Variants in BLNK observed in about 807,000 individuals in gnomAD.
BLNK encodes the protein B cell linker.
A neutral mutation model predicts 73.5 loss-of-function variants in BLNK; 29 were observed. That is an observed-to-expected ratio of 0.39 (90% CI 0.29 to 0.54). The LOEUF (loss-of-function observed/expected upper bound fraction) is 0.54, where lower values mean the gene tolerates loss of function less well. Ranked by LOEUF, BLNK falls within the 20% of genes least tolerant of loss-of-function variation. The pLI, the probability that BLNK is intolerant of heterozygous loss-of-function variation, is 0.61. For synonymous variants in BLNK, 176 were observed against 200.8 expected, an observed-to-expected ratio of 0.88 and a Z score of 1.04; for missense variants, 460 against 562.8, an observed-to-expected ratio of 0.82 and a Z score of 1.85.
At chr10:96,203,226 C>G (rs1187465698) in intron 13 of BLNK, among the ~76,000 whole-genome samples, 2 of 151,982 alleles carry the variant, frequency 1.3e-5, no homozygotes, top group Non-Finnish European at 1.5e-5. Context: ...GTATAATAAA[C>G]CTTTTTAAAT....
intron 3 of BLNK, among the ~76,000 whole-genome samples, chr10:96,238,583 G>A (rs1554905534): frequency 6.6e-6 from 1 of 152,184 alleles, no homozygotes; most frequent in Non-Finnish European, 1.5e-5. Context: ...TGAGGCCCTG[G>A]ACGTGCAGCT....
At chr10:96,217,406 G>C (rs1266551179) in intron 6 of BLNK, among the ~76,000 whole-genome samples, 1 of 152,188 alleles carries the variant, frequency 6.6e-6, no homozygotes, top group African/African-American at 2.4e-5. Flanking sequence ...CAAAGAGGCT[G>C]CACCATTTTT....
At chr10:96,246,241 C>T (rs541235194) in intron 2 of BLNK, among the ~76,000 whole-genome samples, 4 of 151,992 alleles carry the variant, frequency 2.6e-5, no homozygotes, top group South Asian at 2.1e-4. Context: ...GGTAATAATT[C>T]GAAAAGCAGA....
chr10:96,263,741 C>G (rs1843865560), intron 1 of BLNK, among the ~76,000 whole-genome samples: 1 of 152,160 alleles, frequency 6.6e-6, no homozygotes, highest in Non-Finnish European at 1.5e-5. Flanking sequence ...GTCAGACTTT[C>G]TTGCTCATTG....
intron 1 of BLNK, among the ~76,000 whole-genome samples, chr10:96,259,910 C>G (rs1554912298): frequency 6.6e-6 from 1 of 151,956 alleles, no homozygotes; most frequent in African/African-American, 2.4e-5. Flanking sequence ...CACCCTGAGA[C>G]TGATGAGATG....
chr10:96,268,361 A>C (rs1844110384), intron 1 of BLNK, among the ~76,000 whole-genome samples: 1 of 152,238 alleles, frequency 6.6e-6, no homozygotes, highest in African/African-American at 2.4e-5. Context: ...TTACTGTGGA[A>C]CGATTGAAAC....
chr10:96,194,768 A>ATTTTTTTTTT lies in BLNK; in HGVS notation c.1251+2130_1251+2139dup, dbSNP rs71034364. On this transcript the variant is annotated intron_variant, in intron 16 of 16. Transcript: ENST00000224337. ...ATCACTAATCATCAGAGAAATGCAAATTTTTTTTTTTTTTTTTTTTGAGAC... is the reference window on the plus strand; with the variant it reads ...ATCACTAATCATCAGAGAAATGCAAATTTTTTTTTTTTTTTTTTTTTTTTTTTTTTGAGAC... 4.7e-3 allele frequency among the ~76,000 whole-genome samples: 521 copies of ATTTTTTTTTT among 110,238 alleles called. 20 individuals are homozygous for ATTTTTTTTTT. The highest frequency in any genetic ancestry group is 6.0e-3 in the Non-Finnish European group (333 of 55,274). The allele number at this position is 110,238 out of a possible 152,430, so 72.3% of individuals were successfully genotyped here. A position where few individuals can be genotyped will look rare whatever the true frequency, so the allele number is the denominator to read the frequency against.
At chr10:96,250,525 C>T (rs879998528) in intron 1 of BLNK, among the ~76,000 whole-genome samples, 11 of 151,902 alleles carry the variant, frequency 7.2e-5, no homozygotes, top group Non-Finnish European at 1.6e-4. Context: ...GAGGGCAGCT[C>T]GTTGTAAGCT....
chr10:96,223,977 C>T lies in BLNK; in HGVS notation c.374G>A (p.Ser125Asn), dbSNP rs148846157. The T allele has an allele frequency of 6.2e-7, 1 of 1,612,904 alleles. No individual in the cohort carries two copies. Among genetic ancestry groups the T allele is most frequent in the Non-Finnish European group, 8.5e-7 (1 of 1,180,020 alleles). Residue 125 changes from serine to asparagine, a missense_variant, in exon 6 of 17, where the codon AGC becomes AAC. Ser to Asn is a conservative substitution (Grantham distance 46, BLOSUM62 1). This residue lies in a region of BLNK where 139 missense variants were observed against 187.3 expected (regional missense o/e 0.74). Coordinates refer to ENST00000224337, the MANE Select transcript of BLNK (RefSeq NM_013314.4). ...GCTGAAGGGTGGGGAATGCCTCTGG[C>T]TTGATCGATTGTCTTGAAAGGAACA... ...ARGEYIDNRSSQRHSPPFSKT... is the reference protein window; with the variant it reads ...ARGEYIDNRSNQRHSPPFSKT...
At chr10:96,266,451 G>A (rs536577180) in intron 1 of BLNK, among the ~76,000 whole-genome samples, 1 of 152,364 alleles carries the variant, frequency 6.6e-6, no homozygotes, top group South Asian at 2.1e-4. Context: ...TCCTAGCACA[G>A]CCATGCCCAG....
chr10:96,203,354 C>A (rs1257795143), intron 13 of BLNK, among the ~76,000 whole-genome samples: 2 of 151,696 alleles, frequency 1.3e-5, no homozygotes, highest in African/African-American at 4.8e-5. Context: ...TTTAAAAAGC[C>A]AATTTATGTT....
At chr10:96,260,350 T>C (rs1843699120) in intron 1 of BLNK, among the ~76,000 whole-genome samples, 1 of 152,224 alleles carries the variant, frequency 6.6e-6, no homozygotes, top group South Asian at 2.1e-4. Context: ...GTCTGTCCTC[T>C]ACCAGCATAA....
In BLNK at chr10:96,254,559, G is replaced by A. The variant is rs139987990; in HGVS notation, c.48-7510C>T. Reference sequence around the variant, plus strand: ...AAGTCTCGCTCTTGTCCCCCAGGCTGGAGTGCAATAGCACGATCTCAGCTC... The same window carrying A: ...AAGTCTCGCTCTTGTCCCCCAGGCTAGAGTGCAATAGCACGATCTCAGCTC... On this transcript the variant is annotated intron_variant, in intron 1 of 16. Transcript: ENST00000224337. 7.9e-3 allele frequency among the ~76,000 whole-genome samples: 1,206 copies of A among 151,856 alleles called. 22 individuals are homozygous for A. The highest frequency in any genetic ancestry group is 0.028 in the African/African-American group (1,139 of 41,312).
intron 1 of BLNK, among the ~76,000 whole-genome samples, chr10:96,267,982 C>A (rs537861021): frequency 1.3e-5 from 2 of 152,266 alleles, no homozygotes; most frequent in East Asian, 3.9e-4. Context: ...TTATTATTAT[C>A]TTTATCTTAC....
At chr10:96,216,781 G>C in intron 6 of BLNK, 47 bp from the exon 7 acceptor site, 2 of 1,486,094 alleles carry the variant, frequency 1.3e-6, no homozygotes, top group Non-Finnish European at 1.9e-6. Flanking sequence ...TACATTCATA[G>C]TTGACTGTAT....
At chr10:96,193,016 C>T (rs2083367789) in intron 16 of BLNK, among the ~76,000 whole-genome samples, 1 of 152,112 alleles carries the variant, frequency 6.6e-6, no homozygotes, top group Non-Finnish European at 1.5e-5. Context: ...GGATGACTTC[C>T]AAGTAGCTAC....
chr10:96,251,101 G>A (rs1843265536), intron 1 of BLNK, among the ~76,000 whole-genome samples: 1 of 152,094 alleles, frequency 6.6e-6, no homozygotes, highest in Non-Finnish European at 1.5e-5. Context: ...AGTCACCCTA[G>A]ATAAATTACA....
intron 6 of BLNK, among the ~76,000 whole-genome samples, chr10:96,223,227 A>G (rs1367064633): frequency 1.3e-5 from 2 of 152,234 alleles, no homozygotes; most frequent in Non-Finnish European, 2.9e-5. Context: ...CTAGCAGGGC[A>G]CTGCACAAGC....
intron 16 of BLNK, among the ~76,000 whole-genome samples, chr10:96,193,327 C>G (rs782696626): frequency 1.8e-4 from 28 of 152,248 alleles, no homozygotes; most frequent in Non-Finnish European, 3.5e-4. Context: ...GGCCAGAAAA[C>G]GAAATAGCAC....
Sources: gnomAD v4.1 joint callset for allele counts (sites outside exome capture counted in the v4.1 genomes callset) on GRCh38, gnomAD v4.1.1 for gene constraint, gnomAD v4.1.1 regional missense constraint, MANE v1.5 for transcripts, NCBI Gene and HGNC (gene_info 2026-07-23, HGNC 2026-07-21) for gene names.